The following LINGO2 variants were observed in gnomAD, a reference collection of about 807,000 sequenced individuals.
The protein encoded by LINGO2 is leucine rich repeat and Ig domain containing 2, also known as leucine-rich repeat and immunoglobulin-like domain-containing nogo receptor-interacting protein 2.
Under a neutral mutation model 30.6 loss-of-function variants are expected in LINGO2, and 14 were observed. That is an observed-to-expected ratio of 0.46 (90% confidence interval 0.30 to 0.72). The LOEUF (loss-of-function observed/expected upper bound fraction) is 0.72. Ranked by LOEUF, LINGO2 falls within the 30% of genes least tolerant of loss-of-function variation. LINGO2 has a pLI of 0.07. For synonymous variants in LINGO2, 317 were observed against 288.5 expected (o/e 1.10, Z -1.00); for missense variants, 729 against 751.7 (o/e 0.97, Z 0.35).
chr9:28,558,784 T>G (rs1822886648), intron 1 of LINGO2, among the ~76,000 whole-genome samples: 1 of 152,036 alleles, frequency 6.6e-6, no homozygotes, highest in Non-Finnish European at 1.5e-5. Flanking sequence ...GCTTCAAAAA[T>G]GTTTCATTTG....
chr9:29,125,790 G>T, the LINGO2 span, among the ~76,000 whole-genome samples: 5 of 152,198 alleles, frequency 3.3e-5, no homozygotes, highest in African/African-American at 1.2e-4. Flanking sequence ...ATGCGTACAT[G>T]CTCATGAACA....
At chr9:28,954,958 T>C in the LINGO2 span, among the ~76,000 whole-genome samples, 1 of 152,100 alleles carries the variant, frequency 6.6e-6, no homozygotes, top group East Asian at 1.9e-4. Context: ...CCTGGGACTG[T>C]AATGACTCAT....
the LINGO2 span, among the ~76,000 whole-genome samples, chr9:29,131,817 G>A: frequency 6.6e-6 from 1 of 151,448 alleles, no homozygotes; most frequent in Non-Finnish European, 1.5e-5. Flanking sequence ...CTAGTTAAGG[G>A]CACTTTAAAG....
At chr9:28,476,118 A>G (rs1413192491) in intron 1 of LINGO2, 93 bp from the exon 4 acceptor site, 1 of 152,554 alleles carries the variant, frequency 6.6e-6, no homozygotes, top group African/African-American at 2.4e-5. Context: ...AATAATTAAC[A>G]TATATAGTAT....
At chr9:28,608,261 C>T (rs1825775520) in intron 1 of LINGO2, among the ~76,000 whole-genome samples, 1 of 151,442 alleles carries the variant, frequency 6.6e-6, no homozygotes, top group African/African-American at 2.4e-5. Flanking sequence ...TATTTTAGAA[C>T]ACACTGACAT....
the LINGO2 span, among the ~76,000 whole-genome samples, chr9:29,084,494 A>G: frequency 2.0e-5 from 3 of 152,186 alleles, no homozygotes; most frequent in African/African-American, 7.2e-5. Context: ...GCAGGGGATA[A>G]TGTAAAATAC....
At chr9:29,187,147 C>T in the LINGO2 span, among the ~76,000 whole-genome samples, 2 of 152,254 alleles carry the variant, frequency 1.3e-5, no homozygotes, top group African/African-American at 4.8e-5. Flanking sequence ...CCTGCTGTAT[C>T]ACAGTCCTAC....
intron 4 of LINGO2, among the ~76,000 whole-genome samples, chr9:28,064,609 C>T (rs370587422): frequency 6.6e-6 from 1 of 152,106 alleles, no homozygotes; most frequent in Non-Finnish European, 1.5e-5. Context: ...ACTTAATTAA[C>T]CCCTGGAGAG....
rs533936849 is a variant in LINGO2 at position 28,147,741 on chromosome 9, G to A, written c.-86-135336C>T. Among the ~76,000 whole-genome samples, 12 of 152,282 alleles carry A rather than the reference G, an allele frequency of 7.9e-5. No homozygotes were observed. The highest frequency in any genetic ancestry group is 3.9e-4 in the East Asian group (2 of 5,136). On this transcript the variant is annotated intron_variant, in intron 4 of 5. Transcript: ENST00000379992. This position sits in a 1 kb window ranked among gnomAD's most constrained non-coding sequence, Gnocchi z 4.7. Reference sequence around the variant, plus strand: ...ACACAACTGCCCCCAGGAGCAGGACGTCCCTGAGGCTAGAGTCCAGCTGGA... The same window carrying A: ...ACACAACTGCCCCCAGGAGCAGGACATCCCTGAGGCTAGAGTCCAGCTGGA...
intron 4 of LINGO2, among the ~76,000 whole-genome samples, chr9:28,048,279 A>G (rs922962844): frequency 1.7e-4 from 26 of 151,116 alleles, no homozygotes; most frequent in Admixed American, 7.3e-4. Flanking sequence ...AAATCTATAA[A>G]TACAGAAAGC....
At chr9:28,581,261 T>G (rs1824244833) in intron 1 of LINGO2, among the ~76,000 whole-genome samples, 3 of 151,282 alleles carry the variant, frequency 2.0e-5, no homozygotes, top group Non-Finnish European at 2.9e-5. Context: ...GTGTGTGTGT[T>G]TAATGCCCAA....
intron 2 of LINGO2, among the ~76,000 whole-genome samples, chr9:28,398,919 A>C (rs1822156460): frequency 6.6e-6 from 1 of 152,134 alleles, no homozygotes; most frequent in Non-Finnish European, 1.5e-5. Context: ...ATAAAATTCA[A>C]GGAGACTCTC....
intron 4 of LINGO2, among the ~76,000 whole-genome samples, chr9:28,085,195 C>T (rs1343631915): frequency 6.6e-6 from 1 of 152,062 alleles, no homozygotes; most frequent in Non-Finnish European, 1.5e-5. Context: ...AGACTATATT[C>T]TACAATGTAA....
rs181793443 is a variant in LINGO2, at chr9:27,973,211, G to A, written c.-35-22505C>T. Among the ~76,000 whole-genome samples, 383 of 152,254 alleles carry A rather than the reference G, an allele frequency of 2.5e-3. 2 individuals carry two copies. Among genetic ancestry groups the A allele is most frequent in the African/African-American group, 8.5e-3 (352 of 41,556 alleles). On this transcript the variant is annotated intron_variant, in intron 5 of 5. Transcript: ENST00000379992. Reference sequence around the variant, plus strand: ...ATCTTATTGATTCTGTTTCTCTGGGGAATTCTGACTAAAACAGACACTTTA... The same window carrying A: ...ATCTTATTGATTCTGTTTCTCTGGGAAATTCTGACTAAAACAGACACTTTA...
the LINGO2 span, among the ~76,000 whole-genome samples, chr9:29,084,733 C>G: frequency 6.6e-6 from 1 of 151,954 alleles, no homozygotes; most frequent in Non-Finnish European, 1.5e-5. Context: ...GCTGTTCTTA[C>G]TCTGAACACC....
intron 4 of LINGO2, among the ~76,000 whole-genome samples, chr9:28,087,192 GAT>G (rs1168305732): frequency 6.6e-6 from 1 of 152,032 alleles, no homozygotes; most frequent in African/African-American, 2.4e-5. Flanking sequence ...AGATGCATAT[GAT>G]ACTCCAGCAG....
At chr9:28,684,948 G>T in the LINGO2 span, among the ~76,000 whole-genome samples, 2 of 152,068 alleles carry the variant, frequency 1.3e-5, no homozygotes, top group African/African-American at 4.8e-5. Flanking sequence ...TGCATAACAC[G>T]TGATAGGTGA....
intron 1 of LINGO2, among the ~76,000 whole-genome samples, chr9:28,567,716 C>T (rs1289565348): frequency 3.3e-5 from 5 of 151,774 alleles, no homozygotes; most frequent in Non-Finnish European, 7.4e-5. Context: ...ATTTGGGTGA[C>T]GGGTTCATTA....
chr9:28,736,685 G>A, the LINGO2 span, among the ~76,000 whole-genome samples: 21 of 152,096 alleles, frequency 1.4e-4, no homozygotes, highest in African/African-American at 4.8e-4. Flanking sequence ...CCAGCTACTT[G>A]CGGGGCTGAG....
Sources: gnomAD v4.1 joint callset for allele counts (sites outside exome capture counted in the v4.1 genomes callset) on GRCh38, gnomAD v4.1.1 for gene constraint, Gnocchi (gnomAD v3.1) non-coding constraint, MANE v1.5 for transcripts, NCBI Gene and HGNC (gene_info 2026-07-23, HGNC 2026-07-21) for gene names.